KAT14: variants seen among roughly 807,000 people sequenced by gnomAD.
KAT14 encodes the protein cysteine-rich protein 2-binding protein.
KAT14 carries 66 observed loss-of-function variants against 78.4 expected under a neutral mutation model. That is an observed-to-expected ratio of 0.84 (90% CI 0.69 to 1.03). The LOEUF (loss-of-function observed/expected upper bound fraction) is 1.03, where lower values mean the gene tolerates loss of function less well. Ranked by LOEUF, KAT14 falls within the 50% of genes least tolerant of loss-of-function variation. KAT14 has a pLI of 0.00. For missense variants in KAT14, 870 were observed against 972.5 expected (o/e 0.89, Z 1.40); for synonymous variants, 344 against 359.4 (o/e 0.96, Z 0.48).
chr20:18,184,872 G>T, intron 10 of KAT14, 80 bp downstream of exon 10: 1 of 1,439,728 alleles, frequency 6.9e-7, no homozygotes, highest in Non-Finnish European at 9.2e-7. Flanking sequence ...AGCTGAGCTA[G>T]CCCTTCCCAG....
chr20:18,183,017 C>CT, intron 8 of KAT14, 106 bp from the exon 9 acceptor site: 1 of 1,449,960 alleles, frequency 6.9e-7, no homozygotes, highest in South Asian at 1.4e-5. Flanking sequence ...GTGCAGGTTA[C>CT]TTTAAAGTTT....
At chr20:18,163,198 C>T (rs2038512428) in intron 7 of KAT14, among the ~76,000 whole-genome samples, 1 of 152,192 alleles carries the variant, frequency 6.6e-6, no homozygotes, top group South Asian at 2.1e-4. Flanking sequence ...TATAAGTTTT[C>T]TTCATCTGTC....
rs2037357673 is a variant in KAT14, at chr20:18,138,013, G to A, written c.-492G>A. Reference sequence around the variant, plus strand: ...CTCGGTGCTGCTGACGGCGGCCACAGTGGCCGGCGTACATGTGAAGCAGCA... The same window carrying A: ...CTCGGTGCTGCTGACGGCGGCCACAATGGCCGGCGTACATGTGAAGCAGCA... On this transcript the variant is annotated 5_prime_UTR_variant, in exon 1 of 11. In the 5' UTR this introduces an upstream ATG that the reference lacks. Transcript: ENST00000688188. The A allele has an allele frequency of 3.3e-6, 5 of 1,501,428 alleles. No individual in the cohort carries two copies. The East Asian group carries it at 1.4e-4, about 42-fold the overall frequency. 93.0% of individuals were successfully genotyped at this position (1,501,428 alleles called of 1,614,324 possible). A position where few individuals can be genotyped will look rare whatever the true frequency, so the allele number is the denominator to read the frequency against.
intron 1 of KAT14, among the ~76,000 whole-genome samples, chr20:18,141,220 T>TA (rs2037563333): frequency 6.6e-6 from 1 of 151,816 alleles, no homozygotes; most frequent in Non-Finnish European, 1.5e-5. Flanking sequence ...CAATAAACTA[T>TA]AAAATGTTAG....
In KAT14 at chr20:18,181,726, G is replaced by A; in HGVS notation, c.1685G>A (p.Arg562Lys). The change falls in exon 8 of 11, where the codon AGG becomes AAG. Residue 562 changes from arginine to lysine, a missense_variant. Physicochemically the swap from Arg to Lys is conservative, Grantham distance 26. Coordinates refer to ENST00000688188, the MANE Select transcript of KAT14 (RefSeq NM_001392073.1). Reference sequence around the variant, plus strand: ...TTCTCATAGACTTCCTTGCCGTCCAGGAAGGGATTTCGACACCAGACCACC... The same window carrying A: ...TTCTCATAGACTTCCTTGCCGTCCAAGAAGGGATTTCGACACCAGACCACC... ...LDRYQTSLPS[R>K]KGFRHQTTKF... The A allele has an allele frequency of 6.2e-7, 1 of 1,614,158 alleles. No homozygotes were observed. The highest frequency in any genetic ancestry group is 8.5e-7 in the Non-Finnish European group (1 of 1,180,022).
intron 7 of KAT14, among the ~76,000 whole-genome samples, chr20:18,181,118 C>A (rs2039231010): frequency 6.6e-6 from 1 of 152,074 alleles, no homozygotes; most frequent in Non-Finnish European, 1.5e-5. Context: ...AGTGTTCAAT[C>A]CTGCATCTCA....
intron 4 of KAT14, among the ~76,000 whole-genome samples, chr20:18,156,358 A>G (rs939718075): frequency 2.0e-5 from 3 of 152,200 alleles, no homozygotes; most frequent in Middle Eastern, 3.2e-3. Flanking sequence ...CCACTGAACT[A>G]TACTGTTAAA....
intron 4 of KAT14, among the ~76,000 whole-genome samples, chr20:18,153,882 C>T (rs1259753139): frequency 2.0e-5 from 3 of 152,282 alleles, no homozygotes; most frequent in Middle Eastern, 3.4e-3. Context: ...AAAAATAAAA[C>T]AATGCTGTTA....
At chr20:18,161,592 T>C (rs1388989382) in intron 5 of KAT14, among the ~76,000 whole-genome samples, 1 of 152,084 alleles carries the variant, frequency 6.6e-6, no homozygotes, top group Non-Finnish European at 1.5e-5. Context: ...AATCTGAAAA[T>C]CCAAAATCAA....
At chr20:18,183,574 G>GAT in intron 9 of KAT14, 1 of 977,118 alleles carries the variant, frequency 1.0e-6, no homozygotes, top group Non-Finnish European at 1.2e-6. Context: ...CATATGTTTA[G>GAT]ATACCAGGTA....
intron 7 of KAT14, among the ~76,000 whole-genome samples, chr20:18,180,445 A>G (rs1288747855): frequency 6.6e-6 from 1 of 152,022 alleles, no homozygotes; most frequent in Non-Finnish European, 1.5e-5. Context: ...ACTTTCCCAC[A>G]TTTTCCTGTC....
chr20:18,159,570 C>T (rs1258642427), intron 5 of KAT14, among the ~76,000 whole-genome samples: 6 of 152,156 alleles, frequency 3.9e-5, no homozygotes, highest in African/African-American at 1.4e-4. Flanking sequence ...TTAAAATTCC[C>T]GTAATAAATA....
At chr20:18,144,773 A>G (rs1033200694) in intron 2 of KAT14, among the ~76,000 whole-genome samples, 1 of 152,194 alleles carries the variant, frequency 6.6e-6, no homozygotes, top group Non-Finnish European at 1.5e-5. Flanking sequence ...AGCATGGAGA[A>G]CCACTGTGTT....
At chr20:18,156,941 A>C (rs1488219009) in intron 4 of KAT14, among the ~76,000 whole-genome samples, 1 of 152,194 alleles carries the variant, frequency 6.6e-6, no homozygotes, top group Non-Finnish European at 1.5e-5. Context: ...CTGGCCGATA[A>C]TTTTATAAAC....
intron 10 of KAT14, among the ~76,000 whole-genome samples, chr20:18,185,154 G>A (rs1161794966): frequency 6.6e-6 from 1 of 152,096 alleles, no homozygotes; most frequent in Non-Finnish European, 1.5e-5. Context: ...AGTGAGGGTA[G>A]GACTATTATT....
chr20:18,137,829 C>T (rs528549711), upstream of KAT14: 2 of 1,003,050 alleles, frequency 2.0e-6, no homozygotes, highest in South Asian at 2.3e-5. Context: ...GCGAGCGGCG[C>T]ACGCGACGGC....
rs559379313 is a variant in KAT14 at position 18,140,980 on chromosome 20, C to T, written c.-453-1228C>T. Among the ~76,000 whole-genome samples, 323 of 146,736 alleles carry T rather than the reference C, an allele frequency of 2.2e-3. 1 individual carries two copies. The highest frequency in any genetic ancestry group is 7.6e-3 in the African/African-American group (302 of 39,778). On this transcript the variant is annotated intron_variant, in intron 1 of 10. Transcript: ENST00000688188. Reference sequence around the variant, plus strand: ...TGAGGTGATCCTATCACCTCAGCCTCCGGAGTAGCTGGGAACACAGGCACA... The same window carrying T: ...TGAGGTGATCCTATCACCTCAGCCTTCGGAGTAGCTGGGAACACAGGCACA...
chr20:18,150,423 AGG>A (rs2037990111), intron 3 of KAT14, among the ~76,000 whole-genome samples: 1 of 152,182 alleles, frequency 6.6e-6, no homozygotes, highest in African/African-American at 2.4e-5. Context: ...TGGCTGGAGT[AGG>A]CACCTGGAGG....
intron 4 of KAT14, among the ~76,000 whole-genome samples, chr20:18,154,423 C>T (rs958760032): frequency 2.6e-5 from 4 of 152,132 alleles, no homozygotes; most frequent in South Asian, 2.1e-4. Context: ...AGCAATTCTC[C>T]GGTCTCAGCC....
Sources: gnomAD v4.1 joint callset for allele counts (sites outside exome capture counted in the v4.1 genomes callset) on GRCh38, gnomAD v4.1.1 for gene constraint, MANE v1.5 for transcripts, NCBI Gene and HGNC (gene_info 2026-07-23, HGNC 2026-07-21) for gene names.